The following LRCH3 variants were observed in gnomAD, a reference collection of about 807,000 sequenced individuals.
The protein encoded by LRCH3 is leucine rich repeats and calponin homology domain containing 3.
Under a neutral mutation model 104.5 loss-of-function variants are expected in LRCH3, and 68 were observed. The observed-to-expected ratio is 0.65, with a 90% confidence interval of 0.54 to 0.80. The LOEUF is 0.80. Among genes scored for constraint, LRCH3 ranks in the 30% least tolerant of loss-of-function variants. The pLI, the probability that LRCH3 is intolerant of heterozygous loss-of-function variation, is 0.00. For missense variants in LRCH3, 951 were observed against 953.9 expected (o/e 1.00, Z 0.04); for synonymous variants, 344 against 361.3 (o/e 0.95, Z 0.54).
chr3:197,822,654 C>T (rs935481267), intron 4 of LRCH3, among the ~76,000 whole-genome samples: 14 of 152,026 alleles, frequency 9.2e-5, no homozygotes, highest in African/African-American at 3.4e-4. Flanking sequence ...TACATTCGTT[C>T]GTGTGGAAGT....
chr3:197,833,892 T>C (rs1188947103), intron 8 of LRCH3, among the ~76,000 whole-genome samples: 1 of 152,206 alleles, frequency 6.6e-6, no homozygotes, highest in Non-Finnish European at 1.5e-5. Flanking sequence ...GTCAGAAAAG[T>C]TTTAGCACAT....
intron 1 of LRCH3, among the ~76,000 whole-genome samples, chr3:197,800,855 G>A (rs1731802464): frequency 6.6e-6 from 1 of 152,116 alleles, no homozygotes; most frequent in African/African-American, 2.4e-5. Context: ...CAGCACTTTG[G>A]GAGTTTAAGG....
intron 19 of LRCH3, among the ~76,000 whole-genome samples, chr3:197,874,255 C>T (rs895202082): frequency 6.6e-6 from 1 of 152,252 alleles, no homozygotes. Flanking sequence ...TATTTACAGC[C>T]ACTCCCCATT....
At position 197,879,513 on chromosome 3, in the gene LRCH3, G is replaced by GTA. The variant is rs1580916348; in HGVS notation, c.2208+3738_2208+3739insTA. ...TACAAAAAATTAGCCGGGCGTGGTG[G>GTA]CGGGCGCCTGTAGTCCCAGCTGCTC... On this transcript the variant is annotated intron_variant, in intron 20 of 20. Transcript: ENST00000425562. Among the ~76,000 whole-genome samples, 17 of 151,586 alleles carry GTA rather than the reference G, an allele frequency of 1.1e-4. No homozygotes were observed. The East Asian group carries it at 3.1e-3, about 27-fold the overall frequency.
At chr3:197,880,181 G>C (rs543083457) in intron 20 of LRCH3, among the ~76,000 whole-genome samples, 1 of 151,876 alleles carries the variant, frequency 6.6e-6, no homozygotes, top group South Asian at 2.1e-4. Flanking sequence ...TCCTGACCTC[G>C]TGATCCACCC....
intron 9 of LRCH3, among the ~76,000 whole-genome samples, chr3:197,838,505 T>C (rs888892649): frequency 5.3e-5 from 8 of 152,246 alleles, no homozygotes; most frequent in African/African-American, 1.9e-4. Flanking sequence ...ATATCCTTTT[T>C]GGGAAAGTTG....
chr3:197,833,188 G>T (rs1428838620), intron 8 of LRCH3, among the ~76,000 whole-genome samples: 2 of 151,880 alleles, frequency 1.3e-5, no homozygotes, highest in African/African-American at 4.8e-5. Context: ...CGGTATGATA[G>T]CCACTAGCCA....
At chr3:197,857,521 T>C (rs1740424435) in intron 14 of LRCH3, among the ~76,000 whole-genome samples, 1 of 152,010 alleles carries the variant, frequency 6.6e-6, no homozygotes, top group Admixed American at 6.6e-5. Flanking sequence ...CTCTTCAGGC[T>C]ACCCCTCAAG....
intron 20 of LRCH3, among the ~76,000 whole-genome samples, chr3:197,877,660 C>T (rs1713056757): frequency 6.6e-6 from 1 of 152,378 alleles, no homozygotes; most frequent in Non-Finnish European, 1.5e-5. Flanking sequence ...AGAGAGAGCG[C>T]CCAGCTCCAC....
chr3:197,822,873 G>C (rs1734650327), intron 4 of LRCH3: 1 of 149,798 alleles, frequency 6.7e-6, no homozygotes, highest in South Asian at 2.1e-4. Flanking sequence ...GCAGTGGTGC[G>C]ATCTCAGCTT....
chr3:197,866,173 T>C lies in LRCH3; in HGVS notation c.1827T>C (p.Pro609=), dbSNP rs752322840. 7 of 1,614,156 alleles carry C rather than the reference T, an allele frequency of 4.3e-6. No homozygotes were observed. Among genetic ancestry groups the C allele is most frequent in the Non-Finnish European group, 3.4e-6 (4 of 1,180,004 alleles). ...TCCAGAGAAATCAGCCTCAGCGCCC[T>C]GAAAGCTTCCTTTTCCGAGCAGGTG... ...AAIQRNQPQR[P]ESFLFRAGVR... Residue 609 remains proline (P), a synonymous_variant, in exon 17 of 21, where the codon CCT becomes CCC. Coordinates refer to ENST00000425562, the MANE Select transcript of LRCH3 (RefSeq NM_001365715.1).
In LRCH3 at chr3:197,824,707, G is replaced by A. The variant is rs541124351; in HGVS notation, c.641-2171G>A. 9.9e-5 allele frequency among the ~76,000 whole-genome samples: 15 copies of A among 150,880 alleles called. 2 individuals carry two copies. In the East Asian group the frequency reaches 3.0e-3, roughly 30 times the overall value. ...CTGCCTCAGCCTCCCAAGTAGCTGG[G>A]ATTATAGGAGCCCGCCACCACGCCT... On this transcript the variant is annotated intron_variant, in intron 4 of 20. Transcript: ENST00000425562.
chr3:197,865,312 C>T (rs1741356375), intron 15 of LRCH3, 111 bp from the exon 16 acceptor site: 6 of 715,238 alleles, frequency 8.4e-6, no homozygotes, highest in East Asian at 6.3e-5. Flanking sequence ...TAGACTTAAT[C>T]GTGAAGGAGA....
In LRCH3 at chr3:197,839,358, A is replaced by G; in HGVS notation, c.1289A>G (p.Gln430Arg). The G allele has an allele frequency of 1.3e-6, 2 of 1,594,182 alleles. No homozygotes were observed. Among genetic ancestry groups the G allele is most frequent in the Non-Finnish European group, 1.7e-6 (2 of 1,173,882 alleles). Residue 430 changes from glutamine (Q) to arginine (R), a missense_variant, in exon 10 of 21, where the codon CAA becomes CGA. Physicochemically the swap from Gln to Arg is conservative, Grantham distance 43. Coordinates refer to ENST00000425562, the MANE Select transcript of LRCH3 (RefSeq NM_001365715.1). ...PVKPVAIREF[Q>R]KTEDMRRYLH... ...AAGCCAGTAGCCATTAGGGAGTTTC[A>G]AAAAACAGAAGATATGAGAAGATAT...
At chr3:197,834,873 T>TGG (rs1736474539) in intron 8 of LRCH3, among the ~76,000 whole-genome samples, 1 of 152,180 alleles carries the variant, frequency 6.6e-6, no homozygotes, top group African/African-American at 2.4e-5. Context: ...GCCAGGCACG[T>TGG]TGGCTGATGC....
chr3:197,803,195 G>A (rs1473339104), intron 1 of LRCH3, among the ~76,000 whole-genome samples: 1 of 152,134 alleles, frequency 6.6e-6, no homozygotes, highest in East Asian at 1.9e-4. Flanking sequence ...TTCAACTTTG[G>A]TAGTTATATG....
intron 8 of LRCH3, 27 bp from the exon 9 acceptor site, chr3:197,835,647 G>T (rs770440334): frequency 6.3e-7 from 1 of 1,593,678 alleles, no homozygotes; most frequent in Non-Finnish European, 8.6e-7. Flanking sequence ...GTGTGTGTGT[G>T]TGTGGGTGTG....
intron 18 of LRCH3, among the ~76,000 whole-genome samples, chr3:197,870,901 A>G (rs960304388): frequency 6.6e-6 from 1 of 152,256 alleles, no homozygotes; most frequent in African/African-American, 2.4e-5. Flanking sequence ...GGCTTATTCT[A>G]TAAAGCTCAA....
intron 1 of LRCH3, among the ~76,000 whole-genome samples, chr3:197,792,599 A>G (rs1256226412): frequency 2.5e-5 from 2 of 80,264 alleles, no homozygotes; most frequent in East Asian, 9.5e-4. Context: ...ATATATATAT[A>G]TATATAAAAT....
Sources: gnomAD v4.1 joint callset for allele counts (sites outside exome capture counted in the v4.1 genomes callset) on GRCh38, gnomAD v4.1.1 for gene constraint, MANE v1.5 for transcripts, NCBI Gene and HGNC (gene_info 2026-07-23, HGNC 2026-07-21) for gene names.